RNF207: variants seen among roughly 807,000 people sequenced by gnomAD.
RNF207 encodes OTTHUMG00000001089.
Under a neutral mutation model 79.0 loss-of-function variants are expected in RNF207, and 72 were observed. That is an observed-to-expected ratio of 0.91 (90% CI 0.75 to 1.11). The LOEUF is 1.11. Among genes scored for constraint, RNF207 ranks in the 50% least tolerant of loss-of-function variants. RNF207 has a pLI of 0.00. For synonymous variants in RNF207, 348 were observed against 366.2 expected, an observed-to-expected ratio of 0.95 and a Z score of 0.57; for missense variants, 936 against 855.8, an observed-to-expected ratio of 1.09 and a Z score of -1.17.
chr1:6,212,407 C>T lies in RNF207; in HGVS notation c.1473C>T (p.Val491=). ...EHASLEGMRV[V]FQEIWEEAYQ... Reference sequence around the variant, plus strand: ...CCTCCTTAGAGGGCATGAGGGTCGTCTTCCAGGAGGTAGCCCTCCCAAGGA... The same window carrying T: ...CCTCCTTAGAGGGCATGAGGGTCGTTTTCCAGGAGGTAGCCCTCCCAAGGA... The change falls in exon 14 of 18, where the codon GTC becomes GTT. Residue 491 remains valine (V), a synonymous_variant. Coordinates refer to ENST00000377939, the MANE Select transcript of RNF207 (RefSeq NM_207396.3). 6.2e-7 allele frequency: 1 copy of T among 1,608,952 alleles called. No individual in the cohort carries two copies. Among genetic ancestry groups the T allele is most frequent in the Non-Finnish European group, 8.5e-7 (1 of 1,177,616 alleles).
chr1:6,206,793 C>G (rs962734484), intron 2 of RNF207, 67 bp downstream of exon 2: 28 of 1,372,974 alleles, frequency 2.0e-5, no homozygotes, highest in Non-Finnish European at 2.5e-5. Context: ...TGGCTCTGCC[C>G]GAGCTGGGAC....
In RNF207 at chr1:6,210,247, C is replaced by T. The variant is rs762037320; in HGVS notation, c.825C>T (p.Ala275=). ...GCCAATACGAAGAGAAGGACAAGGC[C>T]TTCAAGGAGCAGCTCTCTCACTTGG... ...VQSQYEEKDK[A]FKEQLSHLAT... The change falls in exon 9 of 18, where the codon GCC becomes GCT. Residue 275 remains alanine (A), a synonymous_variant. Transcript: ENST00000377939. 6.2e-7 allele frequency: 1 copy of T among 1,613,832 alleles called. No individual in the cohort carries two copies. The highest frequency in any genetic ancestry group is 1.1e-5 in the South Asian group (1 of 91,076).
At position 6,212,349 on chromosome 1, in the gene RNF207, T is replaced by C; in HGVS notation, c.1415T>C (p.Leu472Pro). 6.2e-7 allele frequency: 1 copy of C among 1,613,824 alleles called. No homozygotes were observed. The highest frequency in any genetic ancestry group is 8.5e-7 in the Non-Finnish European group (1 of 1,179,970). ...EIMGDVLHKSLQLDVQIASEH... is the reference protein window; with the variant it reads ...EIMGDVLHKSPQLDVQIASEH... ...ATGGGAGACGTCCTGCACAAGTCCC[T>C]GCAACTGGACGTGCAGATCGCCTCG... Residue 472 changes from leucine to proline, a missense_variant, in exon 14 of 18, where the codon CTG (leucine) becomes CCG (proline). Coordinates refer to ENST00000377939, the MANE Select transcript of RNF207 (RefSeq NM_207396.3).
At position 6,218,315 on chromosome 1, in the gene RNF207, CAG is replaced by C. The variant is rs774765330; in HGVS notation, c.1684_1685del (p.Leu563ThrfsTer17). ...TTTCAGGCACCCGTGGATGAGCAGT[CAG>C]AGAGTCTACAGAACACGCACGACGA... is the stretch of plus-strand genomic sequence containing the variant. On this transcript the variant is annotated frameshift_variant, in exon 17 of 18. Coordinates refer to ENST00000377939, the MANE Select transcript of RNF207 (RefSeq NM_207396.3). LOFTEE classifies it high-confidence loss of function. 9 of 1,614,074 alleles carry C rather than the reference CAG, an allele frequency of 5.6e-6. No individual in the cohort carries two copies. The highest frequency in any genetic ancestry group is 7.6e-6 in the Non-Finnish European group (9 of 1,179,946).
intron 10 of RNF207, 130 bp from the exon 11 acceptor site, chr1:6,210,739 GA>G (rs1668128107): frequency 6.0e-6 from 5 of 838,886 alleles, no homozygotes; most frequent in Non-Finnish European, 7.7e-6. Flanking sequence ...GTGAGTCCCA[GA>G]AGAGGGCTGG....
chr1:6,209,401 G>A lies in RNF207; in HGVS notation c.628-13G>A, dbSNP rs370066405. Reference sequence around the variant, plus strand: ...CGGCGGCGATCGCGAGCCTGACCACGCCCTGTCCCCAGGCCGTGAAGGCCC... The same window carrying A: ...CGGCGGCGATCGCGAGCCTGACCACACCCTGTCCCCAGGCCGTGAAGGCCC... On this transcript the variant is annotated splice_polypyrimidine_tract_variant and intron_variant, in intron 6 of 17. Coordinates refer to ENST00000377939, the MANE Select transcript of RNF207 (RefSeq NM_207396.3). 4 of 1,523,884 alleles carry A rather than the reference G, an allele frequency of 2.6e-6. No homozygotes were observed. In the African/African-American group the frequency reaches 5.6e-5, roughly 21 times the overall value. 94.4% of individuals were successfully genotyped at this position (1,523,884 alleles called of 1,614,324 possible). A position where few individuals can be genotyped will look rare whatever the true frequency, so the allele number is the denominator to read the frequency against.
rs771053591 is a variant in RNF207 at position 6,218,337 on chromosome 1, C to T, written c.1701C>T (p.His567=). 6.2e-6 allele frequency: 10 copies of T among 1,614,010 alleles called. No homozygotes were observed. Among genetic ancestry groups the T allele is most frequent in the East Asian group, 4.5e-5 (2 of 44,876 alleles). ...DEQSESLQNT[H]DDSRNNAASA... ...AGTCAGAGAGTCTACAGAACACGCA[C>T]GACGACAGCAGGAACAACGCGGCCT... Residue 567 remains histidine, a synonymous_variant, in exon 17 of 18, where the codon CAC becomes CAT. Coordinates refer to ENST00000377939, the MANE Select transcript of RNF207 (RefSeq NM_207396.3).
chr1:6,210,829 G>A (rs1249276715), intron 10 of RNF207, 41 bp from the exon 11 acceptor site: 1 of 1,549,514 alleles, frequency 6.5e-7, no homozygotes, highest in Non-Finnish European at 8.8e-7. Context: ...CCCCCTGGCT[G>A]CCACACCTCC....
At chr1:6,212,896 C>A in intron 15 of RNF207, 163 bp downstream of exon 15, 1 of 772,612 alleles carries the variant, frequency 1.3e-6, no homozygotes. Flanking sequence ...TCAAATGATG[C>A]ATGTGAGGTC....
At chr1:6,215,765 C>T (rs1358345480) in intron 16 of RNF207, among the ~76,000 whole-genome samples, 1 of 151,958 alleles carries the variant, frequency 6.6e-6, no homozygotes, top group African/African-American at 2.4e-5. Context: ...CAGGTTCAAT[C>T]GATTCTCCTG....
At chr1:6,218,251 C>G in intron 16 of RNF207, 38 bp from the exon 17 acceptor site, 1 of 1,498,666 alleles carries the variant, frequency 6.7e-7, no homozygotes, top group South Asian at 1.1e-5. Flanking sequence ...GCAGCTGGCT[C>G]TGCTCCCTTG....
Position 6,207,029 on chromosome 1 carries a change from G to A in RNF207, c.191+303G>A, listed in dbSNP as rs1388673863. On this transcript the variant is annotated intron_variant, in intron 2 of 17. Transcript: ENST00000377939. The surrounding 1 kb of genome is among the most constrained non-coding windows in gnomAD (Gnocchi z 4.5). Reference sequence around the variant, plus strand: ...CAGGACGCTCCCGGTTACTCGCTTGGGGGTCCTAGAAGTCTTAGGTCCACA... The same window carrying A: ...CAGGACGCTCCCGGTTACTCGCTTGAGGGTCCTAGAAGTCTTAGGTCCACA... 2.1e-5 allele frequency among the ~76,000 whole-genome samples: 3 copies of A among 145,098 alleles called. No individual in the cohort carries two copies. Among genetic ancestry groups the A allele is most frequent in the East Asian group, 4.2e-4 (2 of 4,800 alleles).
rs1423488370 is a variant in RNF207 at position 6,219,308 on chromosome 1, C to G, written c.1806C>G (p.Asn602Lys). 6.2e-7 allele frequency: 1 copy of G among 1,613,234 alleles called. No individual in the cohort carries two copies. Among genetic ancestry groups the G allele is most frequent in the Middle Eastern group, 1.7e-4 (1 of 6,018 alleles). The change falls in exon 18 of 18, where the codon AAC becomes AAG. Residue 602 changes from asparagine to lysine, a missense_variant. Coordinates refer to ENST00000377939, the MANE Select transcript of RNF207 (RefSeq NM_207396.3). The stretch of plus-strand genomic sequence containing the variant: ...CTAAAGGAAACAGCTGGGCTCCGAA[C>G]GGCCTCTCAGAAGAGCCTCTACTGA... ...SEPKGNSWAP[N>K]GLSEEPLLKN...
chr1:6,218,152 T>C (rs1179708159), intron 16 of RNF207, 137 bp from the exon 17 acceptor site: 3 of 634,220 alleles, frequency 4.7e-6, no homozygotes, highest in Non-Finnish European at 5.6e-6. Flanking sequence ...CCTTAGTAAA[T>C]ATTTGAGGAG....
intron 2 of RNF207, 25 bp downstream of exon 2, chr1:6,206,751 A>AC: frequency 6.3e-7 from 1 of 1,580,274 alleles, no homozygotes; most frequent in Middle Eastern, 1.7e-4. Flanking sequence ...GTTCCCCAAA[A>AC]CCCCCCAGAC....
rs149810012 is a variant in RNF207, at chr1:6,207,689, G to C, written c.324+178G>C. On this transcript the variant is annotated intron_variant, in intron 3 of 17. Coordinates refer to ENST00000377939, the MANE Select transcript of RNF207 (RefSeq NM_207396.3). This position sits in a 1 kb window ranked among gnomAD's most constrained non-coding sequence, Gnocchi z 4.5. ...CCATTATACCGGTGGGGAGACTGAG[G>C]TCCAGAACAAGGGACTTGAGCCAGT... 663 of 763,806 alleles carry C rather than the reference G, an allele frequency of 8.7e-4. 3 individuals are homozygous for C. Among genetic ancestry groups the C allele is most frequent in the East Asian group, 8.2e-3 (306 of 37,416 alleles). The allele number at this position is 763,806 out of a possible 1,614,324, so 47.3% of individuals were successfully genotyped here. A position where few individuals can be genotyped will look rare whatever the true frequency, so the allele number is the denominator to read the frequency against.
In RNF207 at chr1:6,209,209, G is replaced by C. The variant is rs1571202029; in HGVS notation, c.551+13G>C. ...GCGACATGCAGAAGTGCGTACAGGG[G>C]ACGCGAGGGGAGGGGGCTGGGGGCC... On this transcript the variant is annotated intron_variant, in intron 5 of 17. Coordinates refer to ENST00000377939, the MANE Select transcript of RNF207 (RefSeq NM_207396.3). 1 of 1,551,310 alleles carries C rather than the reference G, an allele frequency of 6.4e-7. No homozygotes were observed. Among genetic ancestry groups the C allele is most frequent in the East Asian group, 2.4e-5 (1 of 41,122 alleles).
rs575396018 is a variant in RNF207 at position 6,217,681 on chromosome 1, C to T, written c.1653-608C>T. Among the ~76,000 whole-genome samples the T allele has an allele frequency of 2.3e-4, 35 of 152,306 alleles. No individual in the cohort carries two copies. In the East Asian group the frequency reaches 2.5e-3, roughly 11 times the overall value. On this transcript the variant is annotated intron_variant, in intron 16 of 17. Transcript: ENST00000377939. This position sits in a 1 kb window ranked among gnomAD's most constrained non-coding sequence, Gnocchi z 4.2. ...TCTACTGTTCCTGCCTCAATCCACC[C>T]GCTTTGGTCTCTATTGCTCCCCTGA...
chr1:6,219,341 G>T lies in RNF207; in HGVS notation c.1839G>T (p.Met613Ile). 8 of 1,613,282 alleles carry T rather than the reference G, an allele frequency of 5.0e-6. No homozygotes were observed. Among genetic ancestry groups the T allele is most frequent in the Non-Finnish European group, 6.8e-6 (8 of 1,179,834 alleles). Residue 613 changes from methionine (M) to isoleucine (I), a missense_variant, in exon 18 of 18, where the codon ATG becomes ATT. Transcript: ENST00000377939. ...GLSEEPLLKN[M>I]DHHRSKQKNG... ...CAGAAGAGCCTCTACTGAAAAATAT[G>T]GATCATCACAGATCCAAACAGAAAA...
Sources: gnomAD v4.1 joint callset for allele counts (sites outside exome capture counted in the v4.1 genomes callset) on GRCh38, gnomAD v4.1.1 for gene constraint, Gnocchi (gnomAD v3.1) non-coding constraint, MANE v1.5 for transcripts, NCBI Gene and HGNC (gene_info 2026-07-23, HGNC 2026-07-21) for gene names.